Variants in REDIC1 observed in about 807,000 individuals in gnomAD.
REDIC1 encodes regulator of DNA class I crossover intermediates 1, also known as HEI10 Interacting Protein 1.
chr12:39,751,202 C>A, the REDIC1 span, among the ~76,000 whole-genome samples: 1 of 151,400 alleles, frequency 6.6e-6, no homozygotes, highest in African/African-American at 2.4e-5. Context: ...CAATGAACTC[C>A]AACAAATTTA....
the REDIC1 span, among the ~76,000 whole-genome samples, chr12:39,708,854 T>C: frequency 1.3e-5 from 2 of 151,908 alleles, no homozygotes; most frequent in African/African-American, 4.8e-5. Flanking sequence ...ATTCTTGGAT[T>C]GTTTTTCCAT....
the REDIC1 span, chr12:39,720,726 G>T: frequency 8.3e-7 from 1 of 1,198,858 alleles, no homozygotes. Context: ...TCTTTGAAGT[G>T]ATTGAATGCA....
chr12:39,748,726 A>G, the REDIC1 span, among the ~76,000 whole-genome samples: 3 of 152,228 alleles, frequency 2.0e-5, no homozygotes, highest in Non-Finnish European at 4.4e-5. Context: ...GGTCTCTCAG[A>G]CCACAGTGCA....
At chr12:39,694,643 C>CT in the REDIC1 span, among the ~76,000 whole-genome samples, 2 of 152,146 alleles carry the variant, frequency 1.3e-5, no homozygotes, top group African/African-American at 4.8e-5. Context: ...CTCTGGTGCT[C>CT]TAAGTAAATT....
chr12:39,812,420 TCCTG>T, the REDIC1 span, among the ~76,000 whole-genome samples: 39 of 142,470 alleles, frequency 2.7e-4, 1 homozygote, highest in Admixed American at 6.9e-4. Flanking sequence ...CTTCCTTCCT[TCCTG>T]CCTTCCTTCC....
the REDIC1 span, among the ~76,000 whole-genome samples, chr12:39,887,335 C>A: frequency 2.6e-5 from 4 of 152,134 alleles, no homozygotes; most frequent in African/African-American, 9.6e-5. Flanking sequence ...AAGTTATATC[C>A]CAAAAGTACC....
the REDIC1 span, chr12:39,683,307 T>G: frequency 5.5e-6 from 6 of 1,098,112 alleles, no homozygotes; most frequent in South Asian, 1.4e-5. Context: ...TATAACATTG[T>G]GGACCAGTGG....
chr12:39,667,665 G>T, the REDIC1 span, among the ~76,000 whole-genome samples: 1 of 152,146 alleles, frequency 6.6e-6, no homozygotes, highest in Non-Finnish European at 1.5e-5. Flanking sequence ...TGACAGTGGG[G>T]TGTTAAAGTC....
chr12:39,784,830 T>A, the REDIC1 span, among the ~76,000 whole-genome samples: 3 of 152,146 alleles, frequency 2.0e-5, no homozygotes, highest in African/African-American at 7.2e-5. Context: ...TCTTGTTATG[T>A]TTTAGCAAGA....
At chr12:39,901,287 A>G in the REDIC1 span, among the ~76,000 whole-genome samples, 1 of 152,220 alleles carries the variant, frequency 6.6e-6, no homozygotes, top group East Asian at 1.9e-4. Flanking sequence ...ATGGGCAAGG[A>G]CCTCATGTCT....
At chr12:39,843,562 T>C in the REDIC1 span, among the ~76,000 whole-genome samples, 17 of 152,182 alleles carry the variant, frequency 1.1e-4, no homozygotes, top group East Asian at 3.3e-3. Context: ...CAATTCCTTA[T>C]ATGAAGTTAG....
the REDIC1 span, among the ~76,000 whole-genome samples, chr12:39,768,137 A>T: frequency 1.3e-5 from 2 of 152,068 alleles, no homozygotes; most frequent in Non-Finnish European, 2.9e-5. Context: ...TTCTTTCCTT[A>T]AACCTCATGA....
At chr12:39,766,653 A>G in the REDIC1 span, among the ~76,000 whole-genome samples, 1 of 152,044 alleles carries the variant, frequency 6.6e-6, no homozygotes, top group African/African-American at 2.4e-5. Flanking sequence ...ATTGGAGTCA[A>G]TCCTCTCAAA....
At chr12:39,714,956 G>C in the REDIC1 span, among the ~76,000 whole-genome samples, 1 of 151,844 alleles carries the variant, frequency 6.6e-6, no homozygotes, top group Non-Finnish European at 1.5e-5. Flanking sequence ...TGTAAATTCT[G>C]GATATAAGTC....
the REDIC1 span, among the ~76,000 whole-genome samples, chr12:39,898,727 G>A: frequency 2.0e-5 from 3 of 152,110 alleles, no homozygotes; most frequent in Non-Finnish European, 4.4e-5. Context: ...TCTGGGGCAT[G>A]TGTTCATGGA....
the REDIC1 span, among the ~76,000 whole-genome samples, chr12:39,847,331 C>G: frequency 1.3e-5 from 2 of 152,108 alleles, no homozygotes; most frequent in Non-Finnish European, 2.9e-5. Context: ...TGATTCCTAA[C>G]TGGGCACATT....
the REDIC1 span, among the ~76,000 whole-genome samples, chr12:39,657,113 A>G: frequency 6.6e-6 from 1 of 152,344 alleles, no homozygotes; most frequent in African/African-American, 2.4e-5. Context: ...TACCCAAAAC[A>G]ACTTTCATCC....
chr12:39,881,981 ACCAAAAT>A, the REDIC1 span, among the ~76,000 whole-genome samples: 1 of 151,788 alleles, frequency 6.6e-6, no homozygotes, highest in Admixed American at 6.6e-5. Flanking sequence ...CTGCTCTACC[ACCAAAAT>A]CCTTTAAGTA....
the REDIC1 span, among the ~76,000 whole-genome samples, chr12:39,655,764 C>A: frequency 6.6e-6 from 1 of 152,094 alleles, no homozygotes; most frequent in African/African-American, 2.4e-5. Context: ...AGGGATAGCT[C>A]CAGGCTATAA....
Sources: allele counts gnomAD v4.1 joint callset (sites outside exome capture counted in the v4.1 genomes callset), GRCh38; gene constraint gnomAD v4.1.1; transcripts MANE v1.5; gene names NCBI Gene and HGNC (gene_info 2026-07-23, HGNC 2026-07-21).